The following RAB41 variants were observed in gnomAD, a reference collection of about 807,000 sequenced individuals.
RAB41 encodes the protein ras-related protein Rab-41.
A neutral mutation model predicts 19.0 loss-of-function variants in RAB41; 15 were observed. The ratio of observed to expected loss-of-function variants is 0.79; its 90% CI spans 0.53 to 1.21. The LOEUF (loss-of-function observed/expected upper bound fraction) is 1.21, where lower values mean the gene tolerates loss of function less well. Among genes scored for constraint, RAB41 ranks in the 50% most tolerant of loss-of-function variants. RAB41 has a pLI of 0.00. For synonymous variants in RAB41, 73 were observed against 64.7 expected (o/e 1.13, Z -0.62); for missense variants, 177 against 179.7 (o/e 0.99, Z 0.09).
chrX:70,283,907 A>G, intron 5 of RAB41, 43 bp from the exon 6 acceptor site: 2 of 949,804 alleles, frequency 2.1e-6, no homozygotes, highest in Middle Eastern at 5.2e-4. Flanking sequence ...GTCTATCCAT[A>G]TCCAATAACT....
chrX:70,282,786 T>C lies in RAB41; in HGVS notation c.184-16T>C, dbSNP rs2085695709. 1.7e-6 allele frequency: 2 copies of C among 1,206,852 alleles called. No individual in the cohort carries two copies. Among genetic ancestry groups the C allele is most frequent in the Non-Finnish European group, 2.2e-6 (2 of 892,044 alleles). On this transcript the variant is annotated splice_polypyrimidine_tract_variant and intron_variant, in intron 2 of 7. Coordinates refer to ENST00000374473, the MANE Select transcript of RAB41 (RefSeq NM_001363807.1). ...AATAGAGGGAATGCTGGAGTGTATCTGATTTTCTTTTGCAGGCAACTGTTG... is the reference window on the plus strand; with the variant it reads ...AATAGAGGGAATGCTGGAGTGTATCCGATTTTCTTTTGCAGGCAACTGTTG...
Position 70,283,379 on chromosome X carries a change from T to TGTTATGCA in RAB41, c.343+7_343+14dup, listed in dbSNP as rs2085699478. The TGTTATGCA allele has an allele frequency of 8.6e-7, 1 of 1,158,513 alleles. No individual in the cohort carries two copies. The highest frequency in any genetic ancestry group is 3.0e-5 in the East Asian group (1 of 33,598). ...GGTTGTCTATGACATTACAAGTGGG[T>TGTTATGCA]GTTATGCAATGTTTTATTTGAAAAG... On this transcript the variant is annotated splice_region_variant and intron_variant, in intron 4 of 7. Coordinates refer to ENST00000374473, the MANE Select transcript of RAB41 (RefSeq NM_001363807.1).
At chrX:70,284,070 TTTAA>T in intron 6 of RAB41, 27 bp downstream of exon 6, 1 of 1,068,471 alleles carries the variant, frequency 9.4e-7, no homozygotes. Flanking sequence ...TCTATGATAC[TTTAA>T]TTGTGCTCTG....
Position 70,283,940 on chromosome X carries a change from A to G in RAB41, c.456-10A>G. 3 of 1,169,631 alleles carry G rather than the reference A, an allele frequency of 2.6e-6. No homozygotes were observed. Among genetic ancestry groups the G allele is most frequent in the Non-Finnish European group, 3.5e-6 (3 of 857,825 alleles). The stretch of plus-strand genomic sequence containing the variant: ...ACTCTGGCCCTTTTCATCATTTCTG[A>G]TTCGTCCAGACAAGTCACTGCAGAA... On this transcript the variant is annotated splice_polypyrimidine_tract_variant and intron_variant, in intron 5 of 7. Transcript: ENST00000374473.
intron 5 of RAB41, 38 bp from the exon 6 acceptor site, chrX:70,283,912 A>G (rs1448156230): frequency 2.0e-6 from 2 of 1,001,169 alleles, no homozygotes; most frequent in Non-Finnish European, 2.8e-6. Context: ...TCCATATCCA[A>G]TAACTCTGGC....
chrX:70,282,564 G>A lies in RAB41; in HGVS notation c.156G>A (p.Met52Ile). Reference protein sequence around the residue: ...VGKTSIISRFMYNSFGCACQA... With the variant: ...VGKTSIISRFIYNSFGCACQA... ...AGACATCCATCATCAGCCGCTTCAT[G>A]TACAACAGCTTCGGCTGCGCCTGCC... is the stretch of plus-strand genomic sequence containing the variant. The change falls in exon 2 of 8, where the codon ATG (methionine) becomes ATA (isoleucine). Residue 52 changes from methionine (M) to isoleucine (I), a missense_variant. Met to Ile is a conservative substitution (Grantham distance 10, BLOSUM62 1). Coordinates refer to ENST00000374473, the MANE Select transcript of RAB41 (RefSeq NM_001363807.1). 8.3e-7 allele frequency: 1 copy of A among 1,211,260 alleles called. No homozygotes were observed. Among genetic ancestry groups the A allele is most frequent in the Non-Finnish European group, 1.1e-6 (1 of 895,037 alleles).
In RAB41 at chrX:70,282,187, A is replaced by C. The variant is rs753776118; in HGVS notation, c.-31A>C. On this transcript the variant is annotated 5_prime_UTR_variant, in exon 1 of 8. Coordinates refer to ENST00000374473, the MANE Select transcript of RAB41 (RefSeq NM_001363807.1). Reference sequence around the variant, plus strand: ...TCCGGCGGCTCAGGCTGAGCGTTGGAAGCCATTTTGGCTGCAACCTACCTG... The same window carrying C: ...TCCGGCGGCTCAGGCTGAGCGTTGGCAGCCATTTTGGCTGCAACCTACCTG... The C allele has an allele frequency of 8.3e-7, 1 of 1,210,486 alleles. No homozygotes were observed. Among genetic ancestry groups the C allele is most frequent in the African/African-American group, 1.7e-5 (1 of 57,911 alleles).
chrX:70,282,282 A>G lies in RAB41; in HGVS notation c.65A>G (p.Glu22Gly). ...EAGGFGLEAA[E>G]RTEYQSLCKS... ...GGAGGCTTTGGTCTGGAGGCTGCCG[A>G]AAGAACGGAATACCAGTCTCTGTGC... is the stretch of plus-strand genomic sequence containing the variant. Residue 22 changes from glutamate (E) to glycine (G), a missense_variant, in exon 1 of 8, where the codon GAA (glutamate) becomes GGA (glycine). Transcript: ENST00000374473. The G allele has an allele frequency of 2.5e-6, 3 of 1,211,738 alleles. No individual in the cohort carries two copies. The highest frequency in any genetic ancestry group is 2.3e-4 in the Middle Eastern group (1 of 4,350).
rs369982539 is a variant in RAB41, at chrX:70,283,267, G to C, written c.238-1G>C. Reference sequence around the variant, plus strand: ...TCTTCTTCCTAAACATTTTTATGCAGGTTCAGCTGCAGCTATGGGACACAG... The same window carrying C: ...TCTTCTTCCTAAACATTTTTATGCACGTTCAGCTGCAGCTATGGGACACAG... On this transcript the variant is annotated splice_acceptor_variant, in intron 3 of 7. Coordinates refer to ENST00000374473, the MANE Select transcript of RAB41 (RefSeq NM_001363807.1). LOFTEE classifies it high-confidence loss of function. The C allele has an allele frequency of 1.1e-4, 135 of 1,203,786 alleles. No individual in the cohort carries two copies. The highest frequency in any genetic ancestry group is 1.5e-4 in the Non-Finnish European group (133 of 890,125).
At chrX:70,282,740 C>T in intron 2 of RAB41, 62 bp from the exon 3 acceptor site, 12 of 1,154,093 alleles carry the variant, frequency 1.0e-5, no homozygotes, top group Non-Finnish European at 1.4e-5. Context: ...ACTTTGGGTT[C>T]TAAGACTGCC....
chrX:70,282,878 C>T (rs369410923), intron 3 of RAB41, 23 bp downstream of exon 3: 37 of 1,159,911 alleles, frequency 3.2e-5, no homozygotes, highest in Non-Finnish European at 4.1e-5. Context: ...TCTCATACCA[C>T]TAACCCTACA....
chrX:70,282,430 C>G (rs2085692553), intron 1 of RAB41, 89 bp downstream of exon 1: 4 of 1,170,983 alleles, frequency 3.4e-6, no homozygotes, highest in African/African-American at 3.5e-5. Context: ...AGTTCCTCCT[C>G]GTTGGGAAAG....
Position 70,282,540 on chromosome X carries a change from G to A in RAB41, c.132G>A (p.Lys44=), listed in dbSNP as rs371894275. Residue 44 remains lysine, a synonymous_variant, in exon 2 of 8, where the codon AAG becomes AAA. Transcript: ENST00000374473. ...TGCTTATCTCCCTCACAGTAGGGAA[G>A]ACATCCATCATCAGCCGCTTCATGT... The part of the protein sequence containing the change: ...LLFLGEQSVG[K]TSIISRFMYN... 3.3e-6 allele frequency: 4 copies of A among 1,211,053 alleles called. No individual in the cohort carries two copies. Among genetic ancestry groups the A allele is most frequent in the Non-Finnish European group, 4.5e-6 (4 of 894,910 alleles).
chrX:70,282,611 A>C lies in RAB41; in HGVS notation c.183+20A>C. 1 of 1,197,825 alleles carries C rather than the reference A, an allele frequency of 8.3e-7. No individual in the cohort carries two copies. The highest frequency in any genetic ancestry group is 1.1e-6 in the Non-Finnish European group (1 of 882,903). On this transcript the variant is annotated intron_variant, in intron 2 of 7. Transcript: ENST00000374473. ...TGCCAGGTAAGACCACCACCGAGTC[A>C]TATGGTACATTTTTGCCACTCTTCT...
chrX:70,282,441 ATTGGAG>A (rs1390129759), intron 1 of RAB41, 86 bp from the exon 2 acceptor site: 4 of 1,167,484 alleles, frequency 3.4e-6, no homozygotes, highest in Non-Finnish European at 4.7e-6. Context: ...GTTGGGAAAG[ATTGGAG>A]TTGGAGGAGG....
At position 70,283,324 on chromosome X, in the gene RAB41, T is replaced by C. The variant is rs763495227; in HGVS notation, c.294T>C (p.Pro98=). Reference sequence around the variant, plus strand: ...AGGAGCGCTTTCACAGCCTAATTCCTAGCTACATTCGTGATTCAACTATTG... The same window carrying C: ...AGGAGCGCTTTCACAGCCTAATTCCCAGCTACATTCGTGATTCAACTATTG... ...AGQERFHSLI[P]SYIRDSTIAV... is the part of the protein sequence containing the mutation. Residue 98 remains proline, a synonymous_variant, in exon 4 of 8, where the codon CCT becomes CCC. Coordinates refer to ENST00000374473, the MANE Select transcript of RAB41 (RefSeq NM_001363807.1). 1.4e-5 allele frequency: 17 copies of C among 1,209,791 alleles called. 1 individual carries two copies. The Admixed American group carries it at 3.5e-4, about 25-fold the overall frequency.
Position 70,282,216 on chromosome X carries a change from CG to C in RAB41, c.-1del, listed in dbSNP as rs2085690442. The C allele has an allele frequency of 4.1e-6, 5 of 1,210,492 alleles. No individual in the cohort carries two copies. The highest frequency in any genetic ancestry group is 1.7e-5 in the African/African-American group (1 of 57,440). On this transcript the variant is annotated 5_prime_UTR_variant, in exon 1 of 8. Transcript: ENST00000374473. ...CATTTTGGCTGCAACCTACCTGAAG[CG>C]ATGTCTGCCTTTGGTCACGACGAGG...
chrX:70,284,227 C>CTTTTT, intron 6 of RAB41, 39 bp from the exon 7 acceptor site: 1 of 923,358 alleles, frequency 1.1e-6, no homozygotes, highest in South Asian at 2.3e-5. Flanking sequence ...TTTTTTTCCC[C>CTTTTT]TTTTTTTTTT....
At chrX:70,283,168 C>G (rs1005524955) in intron 3 of RAB41, 100 bp from the exon 4 acceptor site, 4 of 710,829 alleles carry the variant, frequency 5.6e-6, no homozygotes, top group Admixed American at 5.8e-5. Context: ...TCCAGTCTAC[C>G]TGACCTTTTG....
Sources: allele counts gnomAD v4.1 joint callset, GRCh38; gene constraint gnomAD v4.1.1; transcripts MANE v1.5; gene names NCBI Gene and HGNC (gene_info 2026-07-23, HGNC 2026-07-21).